The following SHC1 variants were observed in gnomAD, a reference collection of about 807,000 sequenced individuals.
SHC1 encodes SHC-transforming protein 1.
A neutral mutation model predicts 55.9 loss-of-function variants in SHC1; 30 were observed. That is an observed-to-expected ratio of 0.54 (90% CI 0.40 to 0.73). The LOEUF (loss-of-function observed/expected upper bound fraction) is 0.73, where lower values mean the gene tolerates loss of function less well. Among genes scored for constraint, SHC1 ranks in the 30% least tolerant of loss-of-function variants. The pLI, the probability that SHC1 is intolerant of heterozygous loss-of-function variation, is 0.00. For missense variants in SHC1, 675 were observed against 777.1 expected (o/e 0.87, Z 1.56); for synonymous variants, 309 against 306.1 (o/e 1.01, Z -0.10).
rs568830637 is a variant in SHC1, at chr1:154,966,229, A to G, written c.1185T>C (p.Pro395=). ...QTPSHLGATL[P]VGQPVGGDPE... ...GATCTCCCCCAACAGGCTGTCCTACAGGCTGCAGGGATAAAAATAAGGTGA... is the reference window on the plus strand; with the variant it reads ...GATCTCCCCCAACAGGCTGTCCTACGGGCTGCAGGGATAAAAATAAGGTGA... The change falls in exon 9 of 12, where the codon CCT becomes CCC. Residue 395 remains proline (P), a splice_region_variant and synonymous_variant. Coordinates refer to ENST00000448116, the MANE Select transcript of SHC1 (RefSeq NM_001130040.2). 11 of 1,614,048 alleles carry G rather than the reference A, an allele frequency of 6.8e-6. No individual in the cohort carries two copies. Among genetic ancestry groups the G allele is most frequent in the Middle Eastern group, 1.7e-4 (1 of 6,060 alleles).
At position 154,963,727 on chromosome 1, in the gene SHC1, A is replaced by C. The variant is rs1470420177; in HGVS notation, c.*76T>G. 2 of 1,535,068 alleles carry C rather than the reference A, an allele frequency of 1.3e-6. No homozygotes were observed. The highest frequency in any genetic ancestry group is 1.8e-6 in the Non-Finnish European group (2 of 1,119,938). ...AAGGCCAAGCCCACAGAACACTCCC[A>C]AACGAGGTCCCGAGAGTTAGGGAAT... On this transcript the variant is annotated 3_prime_UTR_variant, in exon 12 of 12. Coordinates refer to ENST00000448116, the MANE Select transcript of SHC1 (RefSeq NM_001130040.2).
chr1:154,964,342 C>T, intron 11 of SHC1: 1 of 459,528 alleles, frequency 2.2e-6, no homozygotes, highest in South Asian at 1.6e-5. Context: ...TCAAGAACAG[C>T]TTGGGCAACA....
In SHC1 at chr1:154,968,494, C is replaced by T. The variant is rs112912444; in HGVS notation, c.750+1G>A. ...TGGTCCGTCTGCCCACCTTCACCAA[C>T]CTGTTTGCAGTCTGCGGCCATGAGG... On this transcript the variant is annotated splice_donor_variant, in intron 4 of 11. Coordinates refer to ENST00000448116, the MANE Select transcript of SHC1 (RefSeq NM_001130040.2). LOFTEE classifies it high-confidence loss of function. 6.2e-7 allele frequency: 1 copy of T among 1,614,006 alleles called. No individual in the cohort carries two copies. Among genetic ancestry groups the T allele is most frequent in the Non-Finnish European group, 8.5e-7 (1 of 1,180,034 alleles).
In SHC1 at chr1:154,965,773, C is replaced by T. The variant is rs116278635; in HGVS notation, c.1396G>A (p.Glu466Lys). ...GGTGGAGGCACGCGAAGAGCATCTTCGAAGGGCTCTGGAAGTATAGAGGGA... is the reference window on the plus strand; with the variant it reads ...GGTGGAGGCACGCGAAGAGCATCTTTGAAGGGCTCTGGAAGTATAGAGGGA... The part of the protein sequence containing the change: ...PRDLFDMKPF[E>K]DALRVPPPPQ... Residue 466 changes from glutamate (E) to lysine (K), a missense_variant, in exon 11 of 12, where the codon GAA becomes AAA. By Grantham distance (56) the Glu-to-Lys change is moderately conservative. Transcript: ENST00000448116. 2.9e-5 allele frequency: 47 copies of T among 1,612,476 alleles called. No individual in the cohort carries two copies. The African/African-American group carries it at 4.0e-4, about 14-fold the overall frequency.
In SHC1 at chr1:154,968,796, G is replaced by A; in HGVS notation, c.605C>T (p.Ala202Val). ...ISLVCEAVPGAKGATRRRKPC... is the reference protein window; with the variant it reads ...ISLVCEAVPGVKGATRRRKPC... ...CTTTCTCCTCCTTGTCGCCCCCTTAGCACCCGGCACAGCCTCACACACCAG... is the reference window on the plus strand; with the variant it reads ...CTTTCTCCTCCTTGTCGCCCCCTTAACACCCGGCACAGCCTCACACACCAG... The change falls in exon 3 of 12, where the codon GCT becomes GTT. Residue 202 changes from alanine to valine, a missense_variant. Transcript: ENST00000448116. The A allele has an allele frequency of 6.2e-7, 1 of 1,613,832 alleles. No homozygotes were observed. The highest frequency in any genetic ancestry group is 1.1e-5 in the South Asian group (1 of 91,068).
At chr1:154,972,866 G>C (rs933857181), upstream of SHC1, among the ~76,000 whole-genome samples, 7 of 151,944 alleles carry the variant, frequency 4.6e-5, no homozygotes, top group African/African-American at 1.7e-4. Flanking sequence ...CAAGAACTCT[G>C]GTTAGGGGGA....
At chr1:154,973,038 A>G (rs1424453465), upstream of SHC1, among the ~76,000 whole-genome samples, 1 of 152,084 alleles carries the variant, frequency 6.6e-6, no homozygotes, top group Non-Finnish European at 1.5e-5. Flanking sequence ...CAACAAATCC[A>G]TGGTCTTATC....
At position 154,963,223 on chromosome 1, in the gene SHC1, C is replaced by T. The variant is rs1655517664; in HGVS notation, c.*580G>A. On this transcript the variant is annotated 3_prime_UTR_variant, in exon 12 of 12. Coordinates refer to ENST00000448116, the MANE Select transcript of SHC1 (RefSeq NM_001130040.2). ...GAGAGGGGACAGCTGCCACTCCTGC[C>T]TCTGTTATCCCAACCCAAACCGGAG... is the stretch of plus-strand genomic sequence containing the variant. The T allele has an allele frequency of 6.5e-6, 1 of 153,368 alleles. No homozygotes were observed. The allele number at this position is 153,368 out of a possible 1,614,324, so 9.5% of individuals were successfully genotyped here.
chr1:154,963,732 AG>A lies in SHC1; in HGVS notation c.*70del, dbSNP rs1655561493. On this transcript the variant is annotated 3_prime_UTR_variant, in exon 12 of 12. Coordinates refer to ENST00000448116, the MANE Select transcript of SHC1 (RefSeq NM_001130040.2). Reference sequence around the variant, plus strand: ...CAAGCCCACAGAACACTCCCAAACGAGGTCCCGAGAGTTAGGGAATAGGGTG... The same window carrying A: ...CAAGCCCACAGAACACTCCCAAACGAGTCCCGAGAGTTAGGGAATAGGGTG... The A allele has an allele frequency of 1.3e-6, 2 of 1,543,270 alleles. No homozygotes were observed. The highest frequency in any genetic ancestry group is 1.8e-6 in the Non-Finnish European group (2 of 1,123,686).
Position 154,968,553 on chromosome 1 carries a change from G to T in SHC1, c.692C>A (p.Pro231Gln). 6.2e-7 allele frequency: 1 copy of T among 1,614,092 alleles called. No homozygotes were observed. The highest frequency in any genetic ancestry group is 1.1e-5 in the South Asian group (1 of 91,076). ...GRSNLKFAGM[P>Q]ITLTVSTSSL... ...GCTGGTGGAGACGGTGAGAGTGATT[G>T]GCATTCCAGCAAATTTCAGGTTACT... Residue 231 changes from proline (P) to glutamine (Q), a missense_variant, in exon 4 of 12, where the codon CCA (proline) becomes CAA (glutamine). Physicochemically the swap from Pro to Gln is moderately conservative, Grantham distance 76 (BLOSUM62 -1). Around this residue, in one of 3 missense-constraint regions of SHC1, gnomAD observed 159 missense variants for 246.9 expected, o/e 0.64. Transcript: ENST00000448116.
intron 11 of SHC1, among the ~76,000 whole-genome samples, chr1:154,964,558 A>G (rs1655705871): frequency 6.6e-6 from 1 of 152,134 alleles, no homozygotes; most frequent in African/African-American, 2.4e-5. Context: ...ATCATGGCTC[A>G]CTGTAACCTC....
At chr1:154,972,327 A>C (rs1304842347), upstream of SHC1, among the ~76,000 whole-genome samples, 3 of 152,162 alleles carry the variant, frequency 2.0e-5, no homozygotes, top group Admixed American at 6.5e-5. Flanking sequence ...ATATAGATAG[A>C]TAATTATCCT....
upstream of SHC1, among the ~76,000 whole-genome samples, chr1:154,973,721 C>T (rs1056168751): frequency 6.6e-6 from 1 of 152,054 alleles, no homozygotes; most frequent in Non-Finnish European, 1.5e-5. Context: ...GGCTTTTCAG[C>T]TGATGACCCA....
chr1:154,970,434 C>CCG lies in SHC1; in HGVS notation c.92_93insCG (p.Glu32GlyfsTer35). ...AAGCTGATGGGGAAGGCAGCTCCTC[C>CCG]GGGGGGGTGGACCCAGAAGCCCCTT... On this transcript the variant is annotated frameshift_variant, in exon 1 of 12. Coordinates refer to ENST00000448116, the MANE Select transcript of SHC1 (RefSeq NM_001130040.2). LOFTEE classifies it high-confidence loss of function. This position sits in a 1 kb window ranked among gnomAD's most constrained non-coding sequence, Gnocchi z 5.5. The CCG allele has an allele frequency of 2.5e-6, 4 of 1,609,510 alleles. No homozygotes were observed. Among genetic ancestry groups the CCG allele is most frequent in the Non-Finnish European group, 3.4e-6 (4 of 1,178,288 alleles).
chr1:154,964,323 C>G (rs757546765), intron 11 of SHC1: 2 of 467,018 alleles, frequency 4.3e-6, no homozygotes, highest in African/African-American at 4.0e-5. Flanking sequence ...ATCACTTGAG[C>G]CCGGGAGTTC....
upstream of SHC1, among the ~76,000 whole-genome samples, chr1:154,971,304 C>T (rs1044333357): frequency 6.6e-6 from 1 of 152,024 alleles, no homozygotes; most frequent in Non-Finnish European, 1.5e-5. Flanking sequence ...CTGGAGCTAG[C>T]GAAGTGGGGA....
At chr1:154,971,651 C>T (rs1656759371), upstream of SHC1, among the ~76,000 whole-genome samples, 1 of 152,202 alleles carries the variant, frequency 6.6e-6, no homozygotes, top group Non-Finnish European at 1.5e-5. Context: ...TAAGCCCCAC[C>T]AAAGAGCACA....
In SHC1 at chr1:154,968,777, C is replaced by T. The variant is rs76505256; in HGVS notation, c.624G>A (p.Arg208=). 1,186 of 1,614,000 alleles carry T rather than the reference C, an allele frequency of 7.3e-4. 10 individuals are homozygous for T. The African/African-American group carries it at 0.013, about 18-fold the overall frequency. The change falls in exon 3 of 12, where the codon AGG becomes AGA. Residue 208 remains arginine, a synonymous_variant. Transcript: ENST00000448116. Reference sequence around the variant, plus strand: ...CCCCAAGGACCCCAAGTACCTTTCTCCTCCTTGTCGCCCCCTTAGCACCCG... The same window carrying T: ...CCCCAAGGACCCCAAGTACCTTTCTTCTCCTTGTCGCCCCCTTAGCACCCG... The part of the protein sequence containing the change: ...AVPGAKGATR[R]RKPCSRPLSS...
upstream of SHC1, chr1:154,974,155 G>A (rs1264293651): frequency 6.5e-6 from 1 of 154,434 alleles, no homozygotes; most frequent in Non-Finnish European, 1.4e-5. Context: ...CTCAGGGGCG[G>A]GACTTATAAA....
Sources: allele counts gnomAD v4.1 joint callset (sites outside exome capture counted in the v4.1 genomes callset), GRCh38; gene constraint gnomAD v4.1.1; regional missense constraint gnomAD v4.1.1; non-coding constraint Gnocchi (gnomAD v3.1); transcripts MANE v1.5; gene names NCBI Gene and HGNC (gene_info 2026-07-23, HGNC 2026-07-21).